DNAI1: variants seen among roughly 807,000 people sequenced by gnomAD.
DNAI1 encodes dynein, axonemal, intermediate polypeptide 1.
In DNAI1, 67 loss-of-function variants were observed where a neutral mutation model predicts 92.0. The observed-to-expected ratio is 0.73, with a 90% CI of 0.60 to 0.89. The LOEUF (loss-of-function observed/expected upper bound fraction) is 0.89, where lower values mean the gene tolerates loss of function less well. DNAI1 is among the 40% of genes least tolerant of loss of function. The probability of loss-of-function intolerance (pLI) is 0.00; values close to 1 mark genes in which losing one functional copy is unlikely to be tolerated. For synonymous variants in DNAI1, 323 were observed against 319.6 expected (o/e 1.01, Z -0.11); for missense variants, 839 against 866.6 (o/e 0.97, Z 0.40).
intron 18 of DNAI1, among the ~76,000 whole-genome samples, chr9:34,516,960 CAA>C: frequency 6.6e-6 from 1 of 151,996 alleles, no homozygotes; most frequent in Non-Finnish European, 1.5e-5. Flanking sequence ...AGCCTGGTCT[CAA>C]ACTCCTGACC....
At chr9:34,478,897 T>A (rs1451660299) in intron 1 of DNAI1, 1 of 152,180 alleles carries the variant, frequency 6.6e-6, no homozygotes, top group Non-Finnish European at 1.5e-5. Flanking sequence ...TAACAGAGTG[T>A]CTATTTACGT....
At chr9:34,481,906 C>G (rs774836319) in intron 1 of DNAI1, among the ~76,000 whole-genome samples, 25 of 152,134 alleles carry the variant, frequency 1.6e-4, no homozygotes, top group Non-Finnish European at 3.7e-4. Context: ...GAAGGGGACC[C>G]GAGCAGGTTG....
chr9:34,487,310 C>G (rs993133827), intron 4 of DNAI1, among the ~76,000 whole-genome samples: 1 of 151,978 alleles, frequency 6.6e-6, no homozygotes, highest in Non-Finnish European at 1.5e-5. Flanking sequence ...CTCAGCCTCC[C>G]GAGTAGCTGG....
At chr9:34,514,332 C>T in intron 16 of DNAI1, 62 bp from the exon 17 acceptor site, 1 of 1,598,052 alleles carries the variant, frequency 6.3e-7, no homozygotes, top group East Asian at 2.2e-5. Context: ...CTCCAGACCC[C>T]CAGGGAAGTG....
chr9:34,495,037 T>TA (rs1824691678), intron 9 of DNAI1, among the ~76,000 whole-genome samples: 2 of 152,186 alleles, frequency 1.3e-5, no homozygotes, highest in African/African-American at 4.8e-5. Flanking sequence ...GGAGAAAAGA[T>TA]AAAAACTTCA....
chr9:34,501,730 C>A (rs908423443), intron 12 of DNAI1, among the ~76,000 whole-genome samples: 1 of 151,926 alleles, frequency 6.6e-6, no homozygotes, highest in Non-Finnish European at 1.5e-5. Context: ...GGATGGAGAC[C>A]CCCCCTTCCT....
At chr9:34,482,080 TAC>T (rs1399743684) in intron 1 of DNAI1, among the ~76,000 whole-genome samples, 1 of 152,222 alleles carries the variant, frequency 6.6e-6, no homozygotes, top group Non-Finnish European at 1.5e-5. Flanking sequence ...ATTAGTTAGA[TAC>T]AGAGTTTCCA....
rs373611892 is a variant in DNAI1 at position 34,473,538 on chromosome 9, C to T, written c.49-9910C>T. Among the ~76,000 whole-genome samples the T allele has an allele frequency of 4.6e-5, 7 of 152,260 alleles. No individual in the cohort carries two copies. In the East Asian group the frequency reaches 1.2e-3, roughly 25 times the overall value. Reference sequence around the variant, plus strand: ...AGCTCCTGACTTCAGGTGATCCACCCGCCTTGGCCTCCCAAAGTGCCGGGA... The same window carrying T: ...AGCTCCTGACTTCAGGTGATCCACCTGCCTTGGCCTCCCAAAGTGCCGGGA... On this transcript the variant is annotated intron_variant, in intron 1 of 19. Coordinates refer to ENST00000242317, the MANE Select transcript of DNAI1 (RefSeq NM_012144.4).
In DNAI1 at chr9:34,493,198, A is replaced by C. The variant is rs1337162140; in HGVS notation, c.686A>C (p.Glu229Ala). 2.5e-6 allele frequency: 4 copies of C among 1,614,214 alleles called. No individual in the cohort carries two copies. In the South Asian group the frequency reaches 4.4e-5, roughly 18 times the overall value. Residue 229 changes from glutamate to alanine, a missense_variant, in exon 9 of 20, where the codon GAG becomes GCG. Coordinates refer to ENST00000242317, the MANE Select transcript of DNAI1 (RefSeq NM_012144.4). ...TNFSATANQW[E>A]IYDAYVEELE... ...TCTTATCTCACCCTTGCCTAGTGGG[A>C]GATCTATGATGCCTATGTAGAGGAA...
At chr9:34,510,682 G>A (rs1825046640) in intron 13 of DNAI1, among the ~76,000 whole-genome samples, 2 of 152,140 alleles carry the variant, frequency 1.3e-5, no homozygotes, top group African/African-American at 2.4e-5. Flanking sequence ...TAAGTGGGGT[G>A]TGAAATACAA....
At chr9:34,511,565 G>A (rs1165846141) in intron 13 of DNAI1, among the ~76,000 whole-genome samples, 1 of 152,172 alleles carries the variant, frequency 6.6e-6, no homozygotes, top group Admixed American at 6.5e-5. Context: ...CCCAGATTCC[G>A]AGGATGATGG....
chr9:34,459,054 G>GT lies in DNAI1; in HGVS notation c.48+2dup, dbSNP rs397515363. 6.0e-4 allele frequency: 973 copies of GT among 1,613,910 alleles called. No individual in the cohort carries two copies. Among genetic ancestry groups the GT allele is most frequent in the Non-Finnish European group, 7.7e-4 (910 of 1,179,836 alleles). Reference sequence around the variant, plus strand: ...TCCCCATAAACAGCCTCATAAGCAGGTAACGTACGCACACCTTCCTTCTGA... The same window carrying GT: ...TCCCCATAAACAGCCTCATAAGCAGGTTAACGTACGCACACCTTCCTTCTGA... On this transcript the variant is annotated splice_donor_variant, in intron 1 of 19. Transcript: ENST00000242317. LOFTEE classifies it high-confidence loss of function.
intron 19 of DNAI1, among the ~76,000 whole-genome samples, chr9:34,518,333 G>A (rs943255421): frequency 6.6e-6 from 1 of 152,242 alleles, no homozygotes; most frequent in African/African-American, 2.4e-5. Context: ...CCTGCACTGT[G>A]CTCCTACCAA....
intron 12 of DNAI1, among the ~76,000 whole-genome samples, chr9:34,505,273 C>G (rs1824902514): frequency 6.6e-6 from 1 of 152,288 alleles, no homozygotes; most frequent in South Asian, 2.1e-4. Flanking sequence ...TTTCTACAGG[C>G]TGCCCACATT....
chr9:34,499,226 C>G (rs1383200298), intron 10 of DNAI1, among the ~76,000 whole-genome samples: 1 of 152,248 alleles, frequency 6.6e-6, no homozygotes, highest in African/African-American at 2.4e-5. Flanking sequence ...TCACGCCTCT[C>G]TGACCACTTG....
chr9:34,464,486 T>A (rs894385527), intron 1 of DNAI1, among the ~76,000 whole-genome samples: 2 of 152,176 alleles, frequency 1.3e-5, no homozygotes, highest in African/African-American at 4.8e-5. Context: ...TCCTAAGATT[T>A]CAGCCCCCAA....
intron 12 of DNAI1, among the ~76,000 whole-genome samples, chr9:34,504,919 T>G (rs907224602): frequency 1.3e-5 from 2 of 152,170 alleles, no homozygotes; most frequent in African/African-American, 4.8e-5. Context: ...GGTTTCATTA[T>G]TGTCATCAGA....
chr9:34,486,037 C>T (rs1177390926), intron 4 of DNAI1, among the ~76,000 whole-genome samples: 1 of 152,064 alleles, frequency 6.6e-6, no homozygotes, highest in Non-Finnish European at 1.5e-5. Context: ...GTACACATGG[C>T]GTGGGTGGGT....
chr9:34,469,626 G>A (rs1039078075), intron 1 of DNAI1, among the ~76,000 whole-genome samples: 1 of 152,194 alleles, frequency 6.6e-6, no homozygotes, highest in Non-Finnish European at 1.5e-5. Flanking sequence ...CGACCAGGCT[G>A]GAGTGTAATG....
Sources: gnomAD v4.1 joint callset for allele counts (sites outside exome capture counted in the v4.1 genomes callset) on GRCh38, gnomAD v4.1.1 for gene constraint, MANE v1.5 for transcripts, NCBI Gene and HGNC (gene_info 2026-07-23, HGNC 2026-07-21) for gene names.